Variants in CCDC88C observed in about 807,000 individuals in gnomAD.
The protein encoded by CCDC88C is protein Daple.
A neutral mutation model predicts 198.8 loss-of-function variants in CCDC88C; 131 were observed. The observed-to-expected ratio is 0.66, with a 90% CI of 0.57 to 0.76. The LOEUF (loss-of-function observed/expected upper bound fraction) is 0.76, where lower values mean the gene tolerates loss of function less well. Ranked by LOEUF, CCDC88C falls within the 30% of genes least tolerant of loss-of-function variation. The probability of loss-of-function intolerance (pLI) is 0.00; values close to 1 mark genes in which losing one functional copy is unlikely to be tolerated. For synonymous variants in CCDC88C, 1,166 were observed against 1,114.7 expected, an observed-to-expected ratio of 1.05 and a Z score of -0.92; for missense variants, 2,553 against 2,631.6, an observed-to-expected ratio of 0.97 and a Z score of 0.65.
intron 3 of CCDC88C, among the ~76,000 whole-genome samples, chr14:91,399,331 C>T (rs1328633674): frequency 6.6e-6 from 1 of 152,156 alleles, no homozygotes; most frequent in Non-Finnish European, 1.5e-5. Context: ...AGCACCAACG[C>T]CCCAACCCCA....
intron 3 of CCDC88C, among the ~76,000 whole-genome samples, chr14:91,394,695 C>T (rs541407420): frequency 6.6e-6 from 1 of 152,296 alleles, no homozygotes; most frequent in African/African-American, 2.4e-5. Context: ...AATTCTATTG[C>T]TGGTGAGGGA....
At chr14:91,400,377 A>T (rs577277907) in intron 3 of CCDC88C, among the ~76,000 whole-genome samples, 1 of 152,254 alleles carries the variant, frequency 6.6e-6, no homozygotes, top group Non-Finnish European at 1.5e-5. Context: ...ATCTCCCAGC[A>T]GTCTGGAGGG....
At chr14:91,343,354 C>A (rs148555256) in intron 5 of CCDC88C, among the ~76,000 whole-genome samples, 1 of 152,202 alleles carries the variant, frequency 6.6e-6, no homozygotes. Flanking sequence ...ACGCTGGGGA[C>A]GATTTGCTAA....
Position 91,294,045 on chromosome 14 carries a change from G to A in CCDC88C, c.4112+128C>T. On this transcript the variant is annotated intron_variant, in intron 23 of 29. Coordinates refer to ENST00000389857, the MANE Select transcript of CCDC88C (RefSeq NM_001080414.4). Reference sequence around the variant, plus strand: ...GGCAGTCCGTGCTGGTGATCGGTCTGTGCCCTGCCCTCAGGATCCCAACGG... The same window carrying A: ...GGCAGTCCGTGCTGGTGATCGGTCTATGCCCTGCCCTCAGGATCCCAACGG... 7 of 995,334 alleles carry A rather than the reference G, an allele frequency of 7.0e-6. No homozygotes were observed. In the South Asian group the frequency reaches 1.0e-4, roughly 15 times the overall value. The allele number at this position is 995,334 out of a possible 1,614,324, so 61.7% of individuals were successfully genotyped here.
intron 20 of CCDC88C, among the ~76,000 whole-genome samples, chr14:91,302,665 T>A (rs1016892962): frequency 1.3e-5 from 2 of 152,092 alleles, no homozygotes; most frequent in Non-Finnish European, 2.9e-5. Context: ...GCACATGAAA[T>A]GAGAACAGCA....
At chr14:91,361,953 G>T (rs1429437037) in intron 3 of CCDC88C, among the ~76,000 whole-genome samples, 2 of 151,902 alleles carry the variant, frequency 1.3e-5, no homozygotes, top group African/African-American at 4.8e-5. Flanking sequence ...TACACTCCAG[G>T]CTGGGTGCAG....
At chr14:91,290,446 C>T (rs1205645699) in intron 24 of CCDC88C, among the ~76,000 whole-genome samples, 31 of 152,224 alleles carry the variant, frequency 2.0e-4, no homozygotes, top group Admixed American at 2.0e-3. Context: ...GGGCTCAGGC[C>T]GTGGACAAGG....
chr14:91,309,881 C>T lies in CCDC88C; in HGVS notation c.2842G>A (p.Glu948Lys), dbSNP rs746438633. Residue 948 changes from glutamate (E) to lysine (K), a missense_variant, in exon 16 of 30, where the codon GAG (glutamate) becomes AAG (lysine). Glu to Lys is a moderately conservative substitution (Grantham distance 56, BLOSUM62 1). This residue lies in a region of CCDC88C where 1,260 missense variants were observed against 1,412.0 expected (regional missense o/e 0.89). Transcript: ENST00000389857. ...VGLNRELLLQ[E>K]DDSGSDTKYK... ...CACGTGTCACTGCCGCTGTCGTCCT[C>T]CTGCAACAGCAGCTCCCTGTTGAGG... is the stretch of plus-strand genomic sequence containing the variant. The T allele has an allele frequency of 4.3e-6, 7 of 1,611,734 alleles. No individual in the cohort carries two copies. The highest frequency in any genetic ancestry group is 5.9e-6 in the Non-Finnish European group (7 of 1,178,314).
At chr14:91,349,106 C>A (rs1040299132) in intron 4 of CCDC88C, among the ~76,000 whole-genome samples, 10 of 152,184 alleles carry the variant, frequency 6.6e-5, no homozygotes, top group Admixed American at 6.5e-4. Flanking sequence ...TGGGTCCTTG[C>A]CAGTAAGACT....
intron 13 of CCDC88C, among the ~76,000 whole-genome samples, chr14:91,316,179 C>T (rs1267650706): frequency 1.3e-5 from 2 of 152,184 alleles, no homozygotes; most frequent in South Asian, 2.1e-4. Flanking sequence ...CCTCTTTCAC[C>T]TCCATGGAAA....
intron 20 of CCDC88C, among the ~76,000 whole-genome samples, chr14:91,302,728 A>C (rs1165509589): frequency 2.0e-5 from 3 of 152,242 alleles, no homozygotes; most frequent in Admixed American, 2.0e-4. Context: ...GTTTCACTAT[A>C]TGATTCTGCT....
chr14:91,322,684 T>C (rs1892404745), intron 12 of CCDC88C, among the ~76,000 whole-genome samples: 1 of 152,222 alleles, frequency 6.6e-6, no homozygotes, highest in Non-Finnish European at 1.5e-5. Context: ...TTTTAGCCAT[T>C]TTAAAGTGTT....
At chr14:91,377,838 T>C (rs1884534556) in intron 3 of CCDC88C, among the ~76,000 whole-genome samples, 1 of 152,190 alleles carries the variant, frequency 6.6e-6, no homozygotes, top group Non-Finnish European at 1.5e-5. Flanking sequence ...CTCCAGCCAT[T>C]ACGCTGCAGT....
rs140458946 is a variant in CCDC88C at position 91,275,237 on chromosome 14, C to T, written c.5059-1584G>A. 3.8e-3 allele frequency among the ~76,000 whole-genome samples: 575 copies of T among 152,156 alleles called. 2 individuals are homozygous for T. The highest frequency in any genetic ancestry group is 5.0e-3 in the Non-Finnish European group (342 of 68,018). On this transcript the variant is annotated intron_variant, in intron 29 of 29. Coordinates refer to ENST00000389857, the MANE Select transcript of CCDC88C (RefSeq NM_001080414.4). ...TGCTACAGCCAGACTGTTTTGGTCT[C>T]ATTTAAGCTAAAAATGGAAAGGTAA...
At chr14:91,276,418 G>A (rs1388216428) in intron 29 of CCDC88C, among the ~76,000 whole-genome samples, 4 of 152,250 alleles carry the variant, frequency 2.6e-5, no homozygotes, top group African/African-American at 9.6e-5. Flanking sequence ...TTAAATGAAG[G>A]AAGGCCAGGG....
chr14:91,352,085 C>A lies in CCDC88C; in HGVS notation c.340+7557G>T, dbSNP rs1244844872. Among the ~76,000 whole-genome samples, 2 of 152,170 alleles carry A rather than the reference C, an allele frequency of 1.3e-5. No homozygotes were observed. Among genetic ancestry groups the A allele is most frequent in the African/African-American group, 4.8e-5 (2 of 41,450 alleles). On this transcript the variant is annotated intron_variant, in intron 4 of 29. Transcript: ENST00000389857. The surrounding 1 kb of genome is among the most constrained non-coding windows in gnomAD (Gnocchi z 4.2). ...GGCAGGGGACGCTCTGGGAAAGGGT[C>A]CCTCCCAACCACCACGTGGAAAACT...
intron 3 of CCDC88C, among the ~76,000 whole-genome samples, chr14:91,383,148 T>TA (rs1357448592): frequency 6.6e-6 from 1 of 152,246 alleles, no homozygotes; most frequent in Non-Finnish European, 1.5e-5. Flanking sequence ...TAGAGCCCTA[T>TA]TCTCCTCACC....
intron 16 of CCDC88C, among the ~76,000 whole-genome samples, chr14:91,308,935 A>C (rs1455891426): frequency 6.6e-6 from 1 of 152,214 alleles, no homozygotes; most frequent in Non-Finnish European, 1.5e-5. Context: ...TTTCCCAAAA[A>C]ACAAGATCAG....
chr14:91,370,288 T>G (rs1331859782), intron 3 of CCDC88C, among the ~76,000 whole-genome samples: 1 of 152,214 alleles, frequency 6.6e-6, no homozygotes, highest in Non-Finnish European at 1.5e-5. Flanking sequence ...AAAGAGACGC[T>G]GCTGGCAAGA....
Sources: allele counts gnomAD v4.1 joint callset (sites outside exome capture counted in the v4.1 genomes callset), GRCh38; gene constraint gnomAD v4.1.1; regional missense constraint gnomAD v4.1.1; non-coding constraint Gnocchi (gnomAD v3.1); transcripts MANE v1.5; gene names NCBI Gene and HGNC (gene_info 2026-07-23, HGNC 2026-07-21).